Variants in SEC24B observed in about 807,000 individuals in gnomAD.
The protein encoded by SEC24B is SEC24 homolog B, COPII component, also known as protein transport protein Sec24B.
In SEC24B, 45 loss-of-function variants were observed where a neutral mutation model predicts 142.8. That is an observed-to-expected ratio of 0.32 (90% CI 0.25 to 0.40). The LOEUF (loss-of-function observed/expected upper bound fraction) is 0.40, where lower values mean the gene tolerates loss of function less well. Among genes scored for constraint, SEC24B ranks in the 10% least tolerant of loss-of-function variants. The pLI is 1.00. For synonymous variants in SEC24B, 574 were observed against 568.2 expected (o/e 1.01, Z -0.15); for missense variants, 1,409 against 1,526.8 (o/e 0.92, Z 1.29).
intron 3 of SEC24B, among the ~76,000 whole-genome samples, chr4:109,475,836 TAG>T (rs779708383): frequency 6.6e-6 from 1 of 152,196 alleles, no homozygotes; most frequent in Non-Finnish European, 1.5e-5. Context: ...ATGCTTACAC[TAG>T]AAACTCTTTT....
chr4:109,448,396 T>A (rs1198581420), intron 1 of SEC24B, among the ~76,000 whole-genome samples: 1 of 152,188 alleles, frequency 6.6e-6, no homozygotes, highest in Non-Finnish European at 1.5e-5. Flanking sequence ...TTTCTACTGA[T>A]GTATTAAAAA....
chr4:109,438,593 TA>T (rs1338843673), intron 1 of SEC24B, among the ~76,000 whole-genome samples: 1 of 152,196 alleles, frequency 6.6e-6, no homozygotes, highest in Non-Finnish European at 1.5e-5. Flanking sequence ...ATGCCCAGCC[TA>T]AAGATCTCTT....
At chr4:109,529,822 C>T (rs1724697160) in intron 18 of SEC24B, among the ~76,000 whole-genome samples, 1 of 152,196 alleles carries the variant, frequency 6.6e-6, no homozygotes, top group South Asian at 2.1e-4. Context: ...CAGCTTCGAC[C>T]TCCCAGGCTC....
chr4:109,513,277 T>C (rs1737566224), intron 9 of SEC24B, among the ~76,000 whole-genome samples: 1 of 133,304 alleles, frequency 7.5e-6, no homozygotes, highest in Non-Finnish European at 1.5e-5. Context: ...CCTGGCCCCC[T>C]GATTATTATT....
intron 5 of SEC24B, among the ~76,000 whole-genome samples, 196 bp from the exon 6 acceptor site, chr4:109,494,419 T>C (rs1269672240): frequency 6.6e-6 from 1 of 152,164 alleles, no homozygotes; most frequent in African/African-American, 2.4e-5. Flanking sequence ...TAACAAAATA[T>C]TGATAATTAT....
intron 1 of SEC24B, among the ~76,000 whole-genome samples, chr4:109,456,433 T>A (rs1578789974): frequency 6.6e-6 from 1 of 151,028 alleles, no homozygotes; most frequent in Non-Finnish European, 1.5e-5. Flanking sequence ...CATTATTGAA[T>A]AGGAATGATG....
At chr4:109,438,644 T>C (rs1728640416) in intron 1 of SEC24B, among the ~76,000 whole-genome samples, 1 of 152,198 alleles carries the variant, frequency 6.6e-6, no homozygotes, top group Non-Finnish European at 1.5e-5. Context: ...TTAGAAACTT[T>C]GATGTTTGAG....
intron 6 of SEC24B, among the ~76,000 whole-genome samples, chr4:109,496,105 AC>A (rs1735514851): frequency 6.6e-6 from 1 of 152,196 alleles, no homozygotes; most frequent in Middle Eastern, 3.4e-3. Context: ...AAAATAAAAT[AC>A]AGGGAAACAA....
At chr4:109,491,995 G>A (rs1735069298) in intron 5 of SEC24B, among the ~76,000 whole-genome samples, 1 of 151,898 alleles carries the variant, frequency 6.6e-6, no homozygotes. Flanking sequence ...TCCTATCACT[G>A]ACAACCTGAC....
chr4:109,516,728 T>C, intron 11 of SEC24B, 88 bp downstream of exon 11: 1 of 667,322 alleles, frequency 1.5e-6, no homozygotes, highest in Admixed American at 3.0e-5. Flanking sequence ...GTTTGTGGGA[T>C]TGGGTTTGGT....
At chr4:109,504,643 A>G (rs1736500435) in intron 6 of SEC24B, among the ~76,000 whole-genome samples, 1 of 152,178 alleles carries the variant, frequency 6.6e-6, no homozygotes, top group Non-Finnish European at 1.5e-5. Flanking sequence ...ACTTCAAAAT[A>G]ATATCTGTTT....
intron 1 of SEC24B, chr4:109,450,780 G>T (rs1730000338): frequency 7.2e-6 from 1 of 139,032 alleles, no homozygotes; most frequent in Non-Finnish European, 1.5e-5. Context: ...TAAAGAGCCA[G>T]AGTCTTCCTC....
chr4:109,457,011 C>T (rs1423779219), intron 1 of SEC24B, among the ~76,000 whole-genome samples: 2 of 152,208 alleles, frequency 1.3e-5, no homozygotes, highest in Non-Finnish European at 2.9e-5. Context: ...CCCCAGGGTT[C>T]ACATTGCAGC....
intron 1 of SEC24B, among the ~76,000 whole-genome samples, chr4:109,454,136 C>T (rs1248553497): frequency 1.3e-5 from 2 of 152,128 alleles, no homozygotes; most frequent in African/African-American, 2.4e-5. Flanking sequence ...TAATCCTTAG[C>T]TCCTTTCACA....
chr4:109,481,251 C>A (rs571735179), intron 3 of SEC24B, among the ~76,000 whole-genome samples: 1 of 152,068 alleles, frequency 6.6e-6, no homozygotes, highest in African/African-American at 2.4e-5. Context: ...AGGGGTACCA[C>A]GTATGTGTTT....
At chr4:109,523,178 T>A (rs1723840550) in intron 14 of SEC24B, among the ~76,000 whole-genome samples, 1 of 151,912 alleles carries the variant, frequency 6.6e-6, no homozygotes, top group African/African-American at 2.4e-5. Context: ...TCTTAAAAAA[T>A]AACAATAATG....
chr4:109,441,009 T>G (rs540487805), intron 1 of SEC24B, among the ~76,000 whole-genome samples: 1 of 152,238 alleles, frequency 6.6e-6, no homozygotes, highest in Non-Finnish European at 1.5e-5. Context: ...ATAGGCCATC[T>G]ATTTTAGCTA....
At position 109,465,993 on chromosome 4, in the gene SEC24B, G is replaced by C. The variant is rs569727324; in HGVS notation, c.877+2349G>C. 3.9e-5 allele frequency among the ~76,000 whole-genome samples: 6 copies of C among 152,042 alleles called. No homozygotes were observed. In the South Asian group the frequency reaches 8.3e-4, roughly 21 times the overall value. On this transcript the variant is annotated intron_variant, in intron 2 of 23. Coordinates refer to ENST00000265175, the MANE Select transcript of SEC24B (RefSeq NM_006323.5). Reference sequence around the variant, plus strand: ...ATTGGTAAATTACTTTTTAATTGAAGTTCAGAGGTTGACAAATTAAATATT... The same window carrying C: ...ATTGGTAAATTACTTTTTAATTGAACTTCAGAGGTTGACAAATTAAATATT...
chr4:109,539,467 C>T (rs1169565076), intron 23 of SEC24B, 94 bp from the exon 24 acceptor site: 13 of 722,562 alleles, frequency 1.8e-5, no homozygotes, highest in South Asian at 9.7e-5. Flanking sequence ...TATAAATTTA[C>T]AGGATACAAG....
Sources: allele counts gnomAD v4.1 joint callset (sites outside exome capture counted in the v4.1 genomes callset), GRCh38; gene constraint gnomAD v4.1.1; transcripts MANE v1.5; gene names NCBI Gene and HGNC (gene_info 2026-07-23, HGNC 2026-07-21).